Variants in ITGA8 observed in about 807,000 individuals in gnomAD.
The protein encoded by ITGA8 is integrin subunit alpha 8, also known as integrin alpha-8.
In ITGA8, 91 loss-of-function variants were observed where a neutral mutation model predicts 142.3. That is an observed-to-expected ratio of 0.64 (90% CI 0.54 to 0.76). ITGA8 has a LOEUF of 0.76. Ranked by LOEUF, ITGA8 falls within the 30% of genes least tolerant of loss-of-function variation. ITGA8 has a pLI of 0.00. For missense variants in ITGA8, 1,406 were observed against 1,327.7 expected, an observed-to-expected ratio of 1.06 and a Z score of -0.92; for synonymous variants, 505 against 485.2, an observed-to-expected ratio of 1.04 and a Z score of -0.54.
Position 15,517,037 on chromosome 10 carries a change from C to CG in ITGA8, c.*120_*121insC. The CG allele has an allele frequency of 1.4e-5, 7 of 509,450 alleles. No homozygotes were observed. Among genetic ancestry groups the CG allele is most frequent in the South Asian group, 7.5e-5 (2 of 26,626 alleles). The allele number at this position is 509,450 out of a possible 1,614,324, so 31.6% of individuals were successfully genotyped here. A position where few individuals can be genotyped will look rare whatever the true frequency, so the allele number is the denominator to read the frequency against. ...GTAGATGAGGTGATGTTTCCAGGGT[C>CG]CCCTCCATTTCCTGGGTCACTGTCA... On this transcript the variant is annotated 3_prime_UTR_variant, in exon 30 of 30. Transcript: ENST00000378076.
chr10:15,669,339 G>A (rs575552664), intron 8 of ITGA8, among the ~76,000 whole-genome samples: 2 of 152,228 alleles, frequency 1.3e-5, no homozygotes, highest in South Asian at 2.1e-4. Context: ...CATTTGTCAC[G>A]TGGCTCTCGT....
At position 15,646,885 on chromosome 10, in the gene ITGA8, T is replaced by C. The variant is rs1221660038; in HGVS notation, c.1168A>G (p.Met390Val). Residue 390 changes from methionine to valine, a missense_variant, in exon 12 of 30, where the codon ATG becomes GTG. Met to Val is a conservative substitution (Grantham distance 21). Coordinates refer to ENST00000378076, the MANE Select transcript of ITGA8 (RefSeq NM_003638.3). ...TETFGRFGSA[M>V]AHLGDLNQDG... ...TGGTTCAGGTCTCCTAAGTGTGCCA[T>C]AGCACTACCGAATCTCCCAAACGTC... The C allele has an allele frequency of 1.9e-6, 3 of 1,614,060 alleles. No homozygotes were observed. The highest frequency in any genetic ancestry group is 2.2e-5 in the East Asian group (1 of 44,870).
chr10:15,606,762 A>C (rs778059035), intron 17 of ITGA8, among the ~76,000 whole-genome samples: 55 of 152,158 alleles, frequency 3.6e-4, no homozygotes, highest in Non-Finnish European at 2.1e-4. Context: ...AAAAAACATC[A>C]TGAATTTGGA....
At chr10:15,634,963 G>GAAA (rs1564384260) in intron 13 of ITGA8, among the ~76,000 whole-genome samples, 1 of 147,462 alleles carries the variant, frequency 6.8e-6, no homozygotes, top group East Asian at 2.0e-4. Flanking sequence ...AAAACATTGA[G>GAAA]AAAAAATAAT....
intron 21 of ITGA8, chr10:15,596,926 T>TA (rs1377049524): frequency 3.0e-6 from 1 of 338,674 alleles, no homozygotes; most frequent in African/African-American, 2.1e-5. Context: ...ATATCTATAG[T>TA]AAAAACAAAG....
At chr10:15,704,112 G>A (rs1173076384) in intron 2 of ITGA8, among the ~76,000 whole-genome samples, 1 of 152,158 alleles carries the variant, frequency 6.6e-6, no homozygotes, top group Admixed American at 6.5e-5. Flanking sequence ...ATATTTCAAT[G>A]AGTCATCAAT....
Position 15,607,682 on chromosome 10 carries a change from G to C in ITGA8, c.1759C>G (p.Leu587Val), listed in dbSNP as rs940327537. ...SHQCQDFIVY[L>V]RDETEFRDKL... ...AGTCTTTCTGGAATACTTACTCGAAGGTAAACGATGAAATCCTGGCACTGG... is the reference window on the plus strand; with the variant it reads ...AGTCTTTCTGGAATACTTACTCGAACGTAAACGATGAAATCCTGGCACTGG... The change falls in exon 17 of 30, where the codon CTT (leucine) becomes GTT (valine). Residue 587 changes from leucine (L) to valine (V), a missense_variant. Transcript: ENST00000378076. 8 of 1,613,604 alleles carry C rather than the reference G, an allele frequency of 5.0e-6. No individual in the cohort carries two copies. The highest frequency in any genetic ancestry group is 6.8e-6 in the Non-Finnish European group (8 of 1,179,676).
At position 15,592,287 on chromosome 10, in the gene ITGA8, T is replaced by C; in HGVS notation, c.2229A>G (p.Arg743=). The C allele has an allele frequency of 3.1e-6, 5 of 1,613,210 alleles. No homozygotes were observed. The highest frequency in any genetic ancestry group is 4.2e-6 in the Non-Finnish European group (5 of 1,179,240). ...TTTTCTCAAGACGTGGAACTGCAAATCGGAGGCCCAGGGAATACTAAAAAA... is the reference window on the plus strand; with the variant it reads ...TTTTCTCAAGACGTGGAACTGCAAACCGGAGGCCCAGGGAATACTAAAAAA... ...VSGTNYSLGL[R]FAVPRLEKTN... Residue 743 remains arginine, a synonymous_variant, in exon 22 of 30, where the codon CGA becomes CGG. Coordinates refer to ENST00000378076, the MANE Select transcript of ITGA8 (RefSeq NM_003638.3).
Position 15,575,531 on chromosome 10 carries a change from G to T in ITGA8, c.2436C>A (p.His812Gln). The T allele has an allele frequency of 6.2e-7, 1 of 1,614,010 alleles. No homozygotes were observed. The highest frequency in any genetic ancestry group is 8.5e-7 in the Non-Finnish European group (1 of 1,179,940). Residue 812 changes from histidine (H) to glutamine (Q), a missense_variant, in exon 24 of 30, where the codon CAC (histidine) becomes CAA (glutamine). Physicochemically the swap from His to Gln is conservative, Grantham distance 24. Coordinates refer to ENST00000378076, the MANE Select transcript of ITGA8 (RefSeq NM_003638.3). Reference protein sequence around the residue: ...IHNWEPEEEPHKEEEVGPLVE... With the variant: ...IHNWEPEEEPQKEEEVGPLVE... ...CCAATGGTCCAACCTCCTCCTCTTT[G>T]TGGGGCTCCTCTTCTGGTTCCCAGT...
At chr10:15,709,076 C>T (rs1425971644) in intron 2 of ITGA8, among the ~76,000 whole-genome samples, 1 of 152,134 alleles carries the variant, frequency 6.6e-6, no homozygotes, top group East Asian at 1.9e-4. Flanking sequence ...CCTATGAATC[C>T]AATAGGTTGA....
In ITGA8 at chr10:15,644,076, G is replaced by T. The variant is rs781028929; in HGVS notation, c.1353C>A (p.Gly451=). ...WASHAVPSGF[G]FTLRGDSDID... is the part of the protein sequence containing the mutation. ...TGTCTGAATCTCCTCTTAAAGTAAA[G>T]CCAAATCCGGAAGGGACAGCATGTG... Residue 451 remains glycine, a synonymous_variant, in exon 13 of 30, where the codon GGC becomes GGA. Transcript: ENST00000378076. The T allele has an allele frequency of 4.4e-5, 71 of 1,613,878 alleles. No individual in the cohort carries two copies. Among genetic ancestry groups the T allele is most frequent in the Non-Finnish European group, 5.9e-5 (70 of 1,179,946 alleles).
rs79925203 is a variant in ITGA8 at position 15,577,616 on chromosome 10, C to T, written c.2373-2022G>A. ...TCACAAAATTCAGTTATTTACCCAC[C>T]GAAGACTACTTCAAATCCAGGGAAA... On this transcript the variant is annotated intron_variant, in intron 23 of 29. Coordinates refer to ENST00000378076, the MANE Select transcript of ITGA8 (RefSeq NM_003638.3). 4.0e-3 allele frequency among the ~76,000 whole-genome samples: 614 copies of T among 152,024 alleles called. 5 individuals carry two copies. The highest frequency in any genetic ancestry group is 0.014 in the African/African-American group (574 of 41,476).
chr10:15,611,159 T>C (rs1346768013), intron 15 of ITGA8, among the ~76,000 whole-genome samples: 1 of 152,142 alleles, frequency 6.6e-6, no homozygotes. Context: ...AACGGAGACC[T>C]TTCAATCATT....
At chr10:15,714,322 G>A (rs1258393671) in intron 2 of ITGA8, among the ~76,000 whole-genome samples, 1 of 152,196 alleles carries the variant, frequency 6.6e-6, no homozygotes, top group Non-Finnish European at 1.5e-5. Context: ...CCTTGAAGTA[G>A]ACACAGAAGC....
rs67683436 is a variant in ITGA8 at position 15,549,201 on chromosome 10, G to GTTTTTTTTTTTTTTTTTTTTTT, written c.2767-655_2767-634dup. ...TTCTTTCTTTTTTCTTTTCTTTTCT[G>GTTTTTTTTTTTTTTTTTTTTTT]TTTTTTTTTTTTTTTTTTTTTTTTT... is the stretch of plus-strand genomic sequence containing the variant. On this transcript the variant is annotated intron_variant, in intron 26 of 29. Coordinates refer to ENST00000378076, the MANE Select transcript of ITGA8 (RefSeq NM_003638.3). Among the ~76,000 whole-genome samples, 109 of 107,270 alleles carry GTTTTTTTTTTTTTTTTTTTTTT rather than the reference G, an allele frequency of 1.0e-3. 7 individuals are homozygous for GTTTTTTTTTTTTTTTTTTTTTT. The highest frequency in any genetic ancestry group is 1.4e-3 in the African/African-American group (27 of 18,664). 70.4% of individuals were successfully genotyped at this position (107,270 alleles called of 152,430 possible). A position where few individuals can be genotyped will look rare whatever the true frequency, so the allele number is the denominator to read the frequency against.
intron 18 of ITGA8, among the ~76,000 whole-genome samples, 177 bp downstream of exon 18, chr10:15,606,108 T>A (rs1009264096): frequency 2.0e-5 from 3 of 152,140 alleles, no homozygotes; most frequent in Non-Finnish European, 4.4e-5. Context: ...GAGGAAAGGC[T>A]TCCGAAAAAC....
At chr10:15,661,037 A>G (rs1447412067) in intron 8 of ITGA8, 115 bp from the exon 9 acceptor site, 1 of 971,126 alleles carries the variant, frequency 1.0e-6, no homozygotes, top group Non-Finnish European at 1.6e-6. Context: ...TGGCTATCAT[A>G]CAGAGCAGGG....
chr10:15,680,483 TATAATCTGGAATATCTAAGTATCA>T (rs1834717420), intron 4 of ITGA8, among the ~76,000 whole-genome samples: 1 of 152,118 alleles, frequency 6.6e-6, no homozygotes, highest in Admixed American at 6.6e-5. Flanking sequence ...AGCTCATCTC[TATAATCTGGAATATCTAAGTATCA>T]ATTTTCTAGA....
intron 2 of ITGA8, among the ~76,000 whole-genome samples, chr10:15,696,286 T>C (rs966233996): frequency 2.6e-5 from 4 of 152,192 alleles, no homozygotes; most frequent in Non-Finnish European, 5.9e-5. Context: ...AAAGCTTTTA[T>C]AGTGACTGCA....
Sources: gnomAD v4.1 joint callset for allele counts (sites outside exome capture counted in the v4.1 genomes callset) on GRCh38, gnomAD v4.1.1 for gene constraint, MANE v1.5 for transcripts, NCBI Gene and HGNC (gene_info 2026-07-23, HGNC 2026-07-21) for gene names.